The following MLLT3 variants were observed in gnomAD, a reference collection of about 807,000 sequenced individuals.
MLLT3 encodes protein AF-9.
MLLT3 carries 4 observed loss-of-function variants against 53.2 expected under a neutral mutation model. The observed-to-expected ratio is 0.08, with a 90% CI of 0.04 to 0.17. MLLT3 has a LOEUF of 0.17. MLLT3 is among the 10% of genes least tolerant of loss of function. The pLI is 1.00. For synonymous variants in MLLT3, 283 were observed against 230.6 expected, an observed-to-expected ratio of 1.23 and a Z score of -2.06; for missense variants, 569 against 684.0, an observed-to-expected ratio of 0.83 and a Z score of 1.87.
intron 4 of MLLT3, among the ~76,000 whole-genome samples, chr9:20,444,759 C>G (rs1301010353): frequency 6.6e-6 from 1 of 152,066 alleles, no homozygotes. Flanking sequence ...GTAGTCCCAG[C>G]TACTCAGGAG....
At chr9:20,510,839 G>A (rs1368056282) in intron 2 of MLLT3, among the ~76,000 whole-genome samples, 4 of 152,044 alleles carry the variant, frequency 2.6e-5, no homozygotes, top group Non-Finnish European at 5.9e-5. Flanking sequence ...TTATTCAACT[G>A]AACTAAAGCA....
At chr9:20,534,357 T>C (rs1343499069) in intron 2 of MLLT3, among the ~76,000 whole-genome samples, 1 of 152,202 alleles carries the variant, frequency 6.6e-6, no homozygotes, top group Non-Finnish European at 1.5e-5. Flanking sequence ...AAAGGTCCAA[T>C]TTAAATAGTG....
At chr9:20,531,856 T>G (rs79323241) in intron 2 of MLLT3, among the ~76,000 whole-genome samples, 1 of 152,148 alleles carries the variant, frequency 6.6e-6, no homozygotes, top group Admixed American at 6.5e-5. Context: ...CTGTGTAAAC[T>G]ACTGATTCAC....
In MLLT3 at chr9:20,360,809, C is replaced by T. The variant is rs1301112748; in HGVS notation, c.1364G>A (p.Ser455Asn). ...ATGTAGGGGTGAAGAAGCAGAACTG[C>T]TTTCACTATCGCTGCCATCACTTAA... ...VSLSDGSDSE[S>N]SSASSPLHHE... The change falls in exon 8 of 11, where the codon AGC becomes AAC. Residue 455 changes from serine to asparagine, a missense_variant. Ser to Asn is a conservative substitution (Grantham distance 46). Around this residue, in one of 5 missense-constraint regions of MLLT3, gnomAD observed 437 missense variants for 376.5 expected, o/e 1.16. Transcript: ENST00000380338. 1.2e-6 allele frequency: 2 copies of T among 1,614,076 alleles called. No individual in the cohort carries two copies. The highest frequency in any genetic ancestry group is 1.7e-6 in the Non-Finnish European group (2 of 1,179,900).
chr9:20,524,188 G>A (rs1305049894), intron 2 of MLLT3, among the ~76,000 whole-genome samples: 2 of 152,038 alleles, frequency 1.3e-5, no homozygotes, highest in East Asian at 1.9e-4. Flanking sequence ...GGTAGGGGAT[G>A]TTGATAATGG....
At chr9:20,526,402 T>G (rs1170236761) in intron 2 of MLLT3, among the ~76,000 whole-genome samples, 1 of 152,222 alleles carries the variant, frequency 6.6e-6, no homozygotes, top group Non-Finnish European at 1.5e-5. Context: ...ATCCTGGTTC[T>G]GAACTTTTTA....
At position 20,476,300 on chromosome 9, in the gene MLLT3, T is replaced by C. The variant is rs567108909; in HGVS notation, c.194-19514A>G. Among the ~76,000 whole-genome samples, 4 of 152,198 alleles carry C rather than the reference T, an allele frequency of 2.6e-5. No homozygotes were observed. In the East Asian group the frequency reaches 7.7e-4, roughly 29 times the overall value. ...GACTCAAAGCAGGTCAGCAGGTTTG[T>C]TTTTTAAGCAAGTTAGAGTGACCCA... On this transcript the variant is annotated intron_variant, in intron 2 of 10. Transcript: ENST00000380338.
chr9:20,464,840 A>G (rs1243599825), intron 2 of MLLT3, among the ~76,000 whole-genome samples: 1 of 151,976 alleles, frequency 6.6e-6, no homozygotes, highest in Non-Finnish European at 1.5e-5. Flanking sequence ...CTTCCTAAAC[A>G]TTTCCTACTT....
intron 2 of MLLT3, among the ~76,000 whole-genome samples, chr9:20,486,365 T>C (rs1386243183): frequency 6.6e-6 from 1 of 152,126 alleles, no homozygotes; most frequent in African/African-American, 2.4e-5. Flanking sequence ...TAAAGTTATA[T>C]AACTTTACTG....
At chr9:20,444,828 C>T (rs1337594139) in intron 4 of MLLT3, among the ~76,000 whole-genome samples, 3 of 152,210 alleles carry the variant, frequency 2.0e-5, no homozygotes, top group South Asian at 2.1e-4. Flanking sequence ...GCCATGACTG[C>T]ACCACTGCAC....
intron 2 of MLLT3, among the ~76,000 whole-genome samples, chr9:20,494,295 C>T (rs1825022392): frequency 6.6e-6 from 1 of 151,998 alleles, no homozygotes; most frequent in Non-Finnish European, 1.5e-5. Context: ...AGAGACATAG[C>T]CATTTGGCTA....
In MLLT3 at chr9:20,350,048, T is replaced by C. The variant is rs187110328; in HGVS notation, c.1576-3474A>G. 2.6e-5 allele frequency among the ~76,000 whole-genome samples: 4 copies of C among 152,308 alleles called. No individual in the cohort carries two copies. In the East Asian group the frequency reaches 7.7e-4, roughly 29 times the overall value. On this transcript the variant is annotated intron_variant, in intron 10 of 10. Coordinates refer to ENST00000380338, the MANE Select transcript of MLLT3 (RefSeq NM_004529.4). ...TAAGGGCTCCATAAAGAAAAATAAG[T>C]GTGCATTGCTTTCCAGGAATCCTGA...
Position 20,621,906 on chromosome 9 carries a change from T to G in MLLT3, c.12+339A>C. 2 of 1,210,494 alleles carry G rather than the reference T, an allele frequency of 1.7e-6. No individual in the cohort carries two copies. Among genetic ancestry groups the G allele is most frequent in the Non-Finnish European group, 2.1e-6 (2 of 930,840 alleles). The allele number at this position is 1,210,494 out of a possible 1,614,324, so 75.0% of individuals were successfully genotyped here. On this transcript the variant is annotated intron_variant, in intron 1 of 10. Coordinates refer to ENST00000380338, the MANE Select transcript of MLLT3 (RefSeq NM_004529.4). This position sits in a 1 kb window ranked among gnomAD's most constrained non-coding sequence, Gnocchi z 7.0. Reference sequence around the variant, plus strand: ...TTATTATTCGCCTCCTTCCACCGTGTGTGTGTGTGTGTGTGAGTGCGCGCG... The same window carrying G: ...TTATTATTCGCCTCCTTCCACCGTGGGTGTGTGTGTGTGTGAGTGCGCGCG...
At chr9:20,564,115 G>A (rs1819288169) in intron 2 of MLLT3, among the ~76,000 whole-genome samples, 1 of 152,080 alleles carries the variant, frequency 6.6e-6, no homozygotes, top group Non-Finnish European at 1.5e-5. Context: ...CTATCTTTCA[G>A]CAAACAAATT....
At chr9:20,514,029 A>C (rs991285703) in intron 2 of MLLT3, among the ~76,000 whole-genome samples, 3 of 152,156 alleles carry the variant, frequency 2.0e-5, no homozygotes, top group Non-Finnish European at 4.4e-5. Context: ...TAGTAGGGAA[A>C]GACACCAGTG....
rs190517039 is a variant in MLLT3 at position 20,346,572 on chromosome 9, G to A, written c.1578C>T (p.Ile526=). 3.2e-4 allele frequency: 523 copies of A among 1,611,142 alleles called. 4 individuals are homozygous for A. In the East Asian group the frequency reaches 0.011, roughly 33 times the overall value. Residue 526 remains isoleucine (I), a splice_region_variant and synonymous_variant, in exon 11 of 11, where the codon ATC becomes ATT. Transcript: ENST00000380338. The part of the protein sequence containing the change: ...TLRERHILQQ[I]VNLIEETGHF... ...GTCCAGTTTCTTCTATAAGGTTCACGATCTAGAGGAGTGAAGAAGAGAAAG... is the reference window on the plus strand; with the variant it reads ...GTCCAGTTTCTTCTATAAGGTTCACAATCTAGAGGAGTGAAGAAGAGAAAG...
chr9:20,587,948 T>A (rs557153779), intron 2 of MLLT3, among the ~76,000 whole-genome samples: 253 of 151,666 alleles, frequency 1.7e-3, no homozygotes, highest in African/African-American at 5.9e-3. Flanking sequence ...ATGCCTAGGT[T>A]TTCTTCTAGG....
At chr9:20,372,665 C>T (rs1821641557) in intron 5 of MLLT3, among the ~76,000 whole-genome samples, 1 of 151,092 alleles carries the variant, frequency 6.6e-6, no homozygotes, top group Non-Finnish European at 1.5e-5. Flanking sequence ...GCCTTGGCCT[C>T]CCAAAGTGCT....
intron 10 of MLLT3, among the ~76,000 whole-genome samples, chr9:20,352,883 C>A (rs1821068083): frequency 6.6e-6 from 1 of 151,792 alleles, no homozygotes; most frequent in African/African-American, 2.4e-5. Context: ...AAAAAAATTA[C>A]CAATAGCTGC....
Sources: allele counts gnomAD v4.1 joint callset (sites outside exome capture counted in the v4.1 genomes callset), GRCh38; gene constraint gnomAD v4.1.1; regional missense constraint gnomAD v4.1.1; non-coding constraint Gnocchi (gnomAD v3.1); transcripts MANE v1.5; gene names NCBI Gene and HGNC (gene_info 2026-07-23, HGNC 2026-07-21).